CCSER1: variants seen among roughly 807,000 people sequenced by gnomAD.
The protein encoded by CCSER1 is serine-rich coiled-coil domain-containing protein 1.
CCSER1 carries 41 observed loss-of-function variants against 82.0 expected under a neutral mutation model. The ratio of observed to expected loss-of-function variants is 0.50; its 90% CI spans 0.39 to 0.65. The LOEUF is 0.65. Ranked by LOEUF, CCSER1 falls within the 30% of genes least tolerant of loss-of-function variation. The probability of loss-of-function intolerance (pLI) is 0.00; values close to 1 mark genes in which losing one functional copy is unlikely to be tolerated. For synonymous variants in CCSER1, 414 were observed against 383.9 expected (o/e 1.08, Z -0.92); for missense variants, 1,119 against 1,064.2 (o/e 1.05, Z -0.72).
At chr4:91,569,210 C>T (rs1763042352) in intron 10 of CCSER1, among the ~76,000 whole-genome samples, 1 of 152,150 alleles carries the variant, frequency 6.6e-6, no homozygotes, top group Admixed American at 6.6e-5. Context: ...GTGTGGCTCC[C>T]TTGTGCTTCC....
intron 9 of CCSER1, among the ~76,000 whole-genome samples, chr4:91,050,439 A>AAAAC (rs1208375288): frequency 6.6e-6 from 1 of 151,938 alleles, no homozygotes; most frequent in African/African-American, 2.4e-5. Context: ...TCAAAAAAAA[A>AAAAC]AAAAATGCAT....
At chr4:90,666,389 C>T (rs75666882) in intron 6 of CCSER1, among the ~76,000 whole-genome samples, 1 of 152,112 alleles carries the variant, frequency 6.6e-6, no homozygotes, top group African/African-American at 2.4e-5. Flanking sequence ...TTGAATTTTA[C>T]TGCACATGAA....
intron 10 of CCSER1, among the ~76,000 whole-genome samples, chr4:91,411,525 T>TATATATATATATATAA (rs1206328984): frequency 7.7e-6 from 1 of 129,548 alleles, no homozygotes; most frequent in Non-Finnish European, 1.6e-5. Context: ...TATATATATA[T>TATATATATATATATAA]AAAATCTTGA....
At chr4:90,588,433 G>A (rs1782283529) in intron 5 of CCSER1, among the ~76,000 whole-genome samples, 1 of 152,162 alleles carries the variant, frequency 6.6e-6, no homozygotes, top group Non-Finnish European at 1.5e-5. Context: ...TTTATAAGAA[G>A]CAACTTCTCA....
chr4:90,932,950 GAAAGAA>G lies in CCSER1; in HGVS notation c.2172+9505_2172+9510del, dbSNP rs1366540866. Among the ~76,000 whole-genome samples the G allele has an allele frequency of 2.2e-4, 7 of 31,970 alleles. 2 individuals are homozygous for G. Among genetic ancestry groups the G allele is most frequent in the African/African-American group, 1.4e-3 (6 of 4,334 alleles). The allele number at this position is 31,970 out of a possible 152,430, so 21.0% of individuals were successfully genotyped here. A position where few individuals can be genotyped will look rare whatever the true frequency, so the allele number is the denominator to read the frequency against. On this transcript the variant is annotated intron_variant, in intron 9 of 10. Coordinates refer to ENST00000509176, the MANE Select transcript of CCSER1 (RefSeq NM_001145065.2). ...AGAAAGAAAGAAAGAAAGAAAGAAA[GAAAGAA>G]AGAAAGAAAGAAAGAAAGAAAGAAA...
chr4:90,273,049 G>A (rs1726875606), intron 1 of CCSER1, among the ~76,000 whole-genome samples: 1 of 151,940 alleles, frequency 6.6e-6, no homozygotes, highest in South Asian at 2.1e-4. Context: ...ATGATATCCT[G>A]TCGTGTGTAG....
chr4:90,697,534 AAAC>A, intron 6 of CCSER1, among the ~76,000 whole-genome samples: 1 of 152,162 alleles, frequency 6.6e-6, no homozygotes, highest in Admixed American at 6.5e-5. Context: ...ATTTAAAAAA[AAAC>A]AATTCTTACC....
At chr4:91,316,096 A>G (rs1042445203) in intron 10 of CCSER1, among the ~76,000 whole-genome samples, 2 of 152,010 alleles carry the variant, frequency 1.3e-5, no homozygotes, top group African/African-American at 2.4e-5. Flanking sequence ...GCCGCCATGT[A>G]GGACGTAACT....
intron 4 of CCSER1, among the ~76,000 whole-genome samples, chr4:90,418,700 G>A (rs1290061604): frequency 1.3e-5 from 2 of 151,916 alleles, no homozygotes; most frequent in Admixed American, 6.6e-5. Flanking sequence ...AAAATCACAT[G>A]TTCACTGAAG....
intron 10 of CCSER1, among the ~76,000 whole-genome samples, chr4:91,190,579 A>G (rs1307176264): frequency 6.6e-6 from 1 of 152,172 alleles, no homozygotes; most frequent in Non-Finnish European, 1.5e-5. Context: ...TAAGGACTTT[A>G]AAAAAGAATC....
chr4:91,384,926 T>C (rs527940778), intron 10 of CCSER1, among the ~76,000 whole-genome samples: 15 of 152,176 alleles, frequency 9.9e-5, no homozygotes, highest in African/African-American at 3.6e-4. Context: ...TCTCAAAAAT[T>C]TGAAAATACA....
intron 10 of CCSER1, among the ~76,000 whole-genome samples, chr4:91,430,479 A>T (rs1374161403): frequency 6.6e-6 from 1 of 152,228 alleles, no homozygotes; most frequent in East Asian, 1.9e-4. Context: ...CAGTATGCAC[A>T]TGTGTGCATG....
chr4:90,849,325 C>A (rs1332342660), intron 8 of CCSER1, among the ~76,000 whole-genome samples: 1 of 152,142 alleles, frequency 6.6e-6, no homozygotes, highest in Non-Finnish European at 1.5e-5. Flanking sequence ...ATCACTCTTG[C>A]TGTACAAAGG....
rs141287400 is a variant in CCSER1 at position 90,921,658 on chromosome 4, G to A, written c.2095-1712G>A. The stretch of plus-strand genomic sequence containing the variant: ...CAACAATTTCCAACTCCTATCCTCA[G>A]GATGAAAGCCCTTGAAATAGAAATG... On this transcript the variant is annotated intron_variant, in intron 8 of 10. Transcript: ENST00000509176. 4.9e-4 allele frequency among the ~76,000 whole-genome samples: 75 copies of A among 152,042 alleles called. No homozygotes were observed. The East Asian group carries it at 0.011, about 22-fold the overall frequency.
intron 9 of CCSER1, among the ~76,000 whole-genome samples, chr4:91,014,398 A>AGTACC (rs1374290229): frequency 7.4e-6 from 1 of 134,858 alleles, no homozygotes; most frequent in Admixed American, 7.4e-5. Context: ...CTACCCTTAG[A>AGTACC]GTACCTCTGG....
At chr4:90,667,015 A>G (rs1318587953) in intron 6 of CCSER1, among the ~76,000 whole-genome samples, 1 of 152,198 alleles carries the variant, frequency 6.6e-6, no homozygotes, top group African/African-American at 2.4e-5. Flanking sequence ...GTCTGCAAAG[A>G]AAGTCAAGTT....
chr4:90,305,754 T>C (rs1734147822), intron 1 of CCSER1, among the ~76,000 whole-genome samples: 1 of 152,212 alleles, frequency 6.6e-6, no homozygotes, highest in South Asian at 2.1e-4. Context: ...GCACAGCCTC[T>C]ATGGAACACA....
intron 1 of CCSER1, among the ~76,000 whole-genome samples, chr4:90,151,575 A>G (rs1726855611): frequency 6.6e-6 from 1 of 152,110 alleles, no homozygotes; most frequent in African/African-American, 2.4e-5. Flanking sequence ...AATCTTAAAA[A>G]TCTAGAATAA....
At chr4:91,219,745 T>G (rs1737588286) in intron 10 of CCSER1, among the ~76,000 whole-genome samples, 1 of 152,220 alleles carries the variant, frequency 6.6e-6, no homozygotes. Flanking sequence ...TTATCAGGAT[T>G]ACTGCTTCTA....
Sources: allele counts gnomAD v4.1 joint callset (sites outside exome capture counted in the v4.1 genomes callset), GRCh38; gene constraint gnomAD v4.1.1; transcripts MANE v1.5; gene names NCBI Gene and HGNC (gene_info 2026-07-23, HGNC 2026-07-21).